Variants in EP400 observed in about 807,000 individuals in gnomAD.
The protein encoded by EP400 is E1A binding protein p400.
Under a neutral mutation model 354.1 loss-of-function variants are expected in EP400, and 105 were observed. The observed-to-expected ratio is 0.30, with a 90% CI of 0.25 to 0.35. The LOEUF (loss-of-function observed/expected upper bound fraction) is 0.35, where lower values mean the gene tolerates loss of function less well. Among genes scored for constraint, EP400 ranks in the 10% least tolerant of loss-of-function variants. The pLI is 1.00. For synonymous variants in EP400, 1,646 were observed against 1,716.9 expected, an observed-to-expected ratio of 0.96 and a Z score of 1.02; for missense variants, 3,280 against 4,121.0, an observed-to-expected ratio of 0.80 and a Z score of 5.59.
chr12:132,038,004 T>C lies in EP400; in HGVS notation c.6115T>C (p.Phe2039Leu). ...TTATTCTCCCATGGATGATGCTGGC[T>C]TCCCGGTCAAAGCTGAGGAGTTTGT... ...EVYSPMDDAG[F>L]PVKAEEFVVL... Residue 2039 changes from phenylalanine to leucine, a missense_variant, in exon 32 of 53, where the codon TTC becomes CTC. By Grantham distance (22) the Phe-to-Leu change is conservative. Coordinates refer to ENST00000389561, the MANE Select transcript of EP400 (RefSeq NM_015409.5). The surrounding 1 kb of genome is among the most constrained non-coding windows in gnomAD (Gnocchi z 4.2). 6.2e-7 allele frequency: 1 copy of C among 1,614,236 alleles called. No homozygotes were observed. Among genetic ancestry groups the C allele is most frequent in the Non-Finnish European group, 8.5e-7 (1 of 1,180,028 alleles).
At chr12:132,016,702 C>A (rs1183655319) in intron 19 of EP400, among the ~76,000 whole-genome samples, 1 of 152,194 alleles carries the variant, frequency 6.6e-6, no homozygotes, top group Admixed American at 6.5e-5. Context: ...GTACTGCTGT[C>A]ATGGTAGCTT....
At chr12:132,030,317 A>AT (rs1247907825) in intron 29 of EP400, among the ~76,000 whole-genome samples, 159 bp downstream of exon 29, 1 of 152,184 alleles carries the variant, frequency 6.6e-6, no homozygotes, top group African/African-American at 2.4e-5. Flanking sequence ...ATCCTTCGAT[A>AT]TTTTTTATTA....
intron 29 of EP400, among the ~76,000 whole-genome samples, chr12:132,030,820 G>A (rs1183682353): frequency 2.0e-5 from 3 of 152,170 alleles, no homozygotes; most frequent in Non-Finnish European, 2.9e-5. Context: ...CATGGGCCCC[G>A]TGCCCTGGCA....
chr12:131,958,437 G>A (rs1410301577), intron 1 of EP400, among the ~76,000 whole-genome samples: 1 of 152,116 alleles, frequency 6.6e-6, no homozygotes, highest in Non-Finnish European at 1.5e-5. Context: ...GTTTAAATAT[G>A]CACTTTTTAA....
At chr12:131,991,575 TC>T (rs376223096) in intron 10 of EP400, 119 bp downstream of exon 10, 92 of 890,312 alleles carry the variant, frequency 1.0e-4, no homozygotes, top group Admixed American at 4.0e-4. Context: ...TCCTTTCTTT[TC>T]TTTTTTTTTT....
chr12:132,037,595 C>T (rs911074968), intron 30 of EP400, 87 bp from the exon 31 acceptor site: 27 of 1,044,204 alleles, frequency 2.6e-5, no homozygotes, highest in Non-Finnish European at 3.3e-5. Flanking sequence ...GACGTGGATT[C>T]GTTGATCACC....
In EP400 at chr12:132,028,292, C is replaced by T. The variant is rs758052375; in HGVS notation, c.5381+4C>T. ...CTCTGCAGGATGTTATTGACAGGTA[C>T]TGCAGACCTCGTGACCTTTTCGGTG... On this transcript the variant is annotated splice_donor_region_variant and intron_variant, in intron 27 of 52. Coordinates refer to ENST00000389561, the MANE Select transcript of EP400 (RefSeq NM_015409.5). 7 of 1,609,108 alleles carry T rather than the reference C, an allele frequency of 4.4e-6. No individual in the cohort carries two copies. Among genetic ancestry groups the T allele is most frequent in the African/African-American group, 4.0e-5 (3 of 74,846 alleles).
chr12:132,048,003 T>C (rs1292294188), intron 39 of EP400, among the ~76,000 whole-genome samples: 2 of 152,262 alleles, frequency 1.3e-5, no homozygotes, highest in Admixed American at 6.5e-5. Context: ...AATACGGCTC[T>C]GTTCCGCCTG....
At chr12:132,005,558 C>T (rs1437862100) in intron 13 of EP400, among the ~76,000 whole-genome samples, 2 of 152,130 alleles carry the variant, frequency 1.3e-5, no homozygotes, top group African/African-American at 4.8e-5. Context: ...CAGAGCATAC[C>T]AGAAAAGGTC....
intron 1 of EP400, among the ~76,000 whole-genome samples, chr12:131,951,441 C>CT (rs1442894024): frequency 6.6e-6 from 1 of 151,956 alleles, no homozygotes; most frequent in East Asian, 1.9e-4. Context: ...CCTTGGCCTC[C>CT]TAGTGCTGGG....
chr12:131,955,893 G>A (rs1395841381), intron 1 of EP400, among the ~76,000 whole-genome samples: 4 of 152,158 alleles, frequency 2.6e-5, no homozygotes, highest in African/African-American at 4.8e-5. Flanking sequence ...TGATCCGCCC[G>A]CCTCGGCCTC....
Position 132,027,580 on chromosome 12 carries a change from C to T in EP400, c.5109+49C>T, listed in dbSNP as rs373105740. 148 of 1,473,732 alleles carry T rather than the reference C, an allele frequency of 1.0e-4. No individual in the cohort carries two copies. In the African/African-American group the frequency reaches 1.8e-3, roughly 18 times the overall value. The allele number at this position is 1,473,732 out of a possible 1,614,324, so 91.3% of individuals were successfully genotyped here. A position where few individuals can be genotyped will look rare whatever the true frequency, so the allele number is the denominator to read the frequency against. On this transcript the variant is annotated intron_variant, in intron 26 of 52. Coordinates refer to ENST00000389561, the MANE Select transcript of EP400 (RefSeq NM_015409.5). This position sits in a 1 kb window ranked among gnomAD's most constrained non-coding sequence, Gnocchi z 4.9. The stretch of plus-strand genomic sequence containing the variant: ...CGGTGCACGTGGACAGGTAGCTTTC[C>T]AAGAGCTGCTCGTTGTGTTTGGTTG...
rs2136615107 is a variant in EP400, at chr12:132,067,436, A to C, written c.8824A>C (p.Lys2942Gln). 5.6e-6 allele frequency: 9 copies of C among 1,613,292 alleles called. No individual in the cohort carries two copies. The East Asian group carries it at 1.3e-4, about 24-fold the overall frequency. ...KLKQQAVQQQ[K>Q]AIQPQAAQGP... is the part of the protein sequence containing the mutation. Reference sequence around the variant, plus strand: ...GAAGCAGCAGGCCGTCCAGCAGCAGAAGGCCATCCAGCCCCAGGCTGCACA... The same window carrying C: ...GAAGCAGCAGGCCGTCCAGCAGCAGCAGGCCATCCAGCCCCAGGCTGCACA... Residue 2942 changes from lysine to glutamine, a missense_variant, in exon 50 of 53, where the codon AAG becomes CAG. Lys to Gln is a moderately conservative substitution (Grantham distance 53). Transcript: ENST00000389561. The surrounding 1 kb of genome is among the most constrained non-coding windows in gnomAD (Gnocchi z 5.3).
intron 50 of EP400, chr12:132,069,132 T>G: frequency 4.3e-6 from 1 of 233,596 alleles, no homozygotes. Flanking sequence ...TTACATTGGA[T>G]TTGAGAGATT....
chr12:132,010,434 G>A lies in EP400; in HGVS notation c.3305-1064G>A, dbSNP rs116872354. 7.1e-3 allele frequency among the ~76,000 whole-genome samples: 1,080 copies of A among 152,104 alleles called. 33 individuals are homozygous for A. In the South Asian group the frequency reaches 0.093, roughly 13 times the overall value. ...TGTCCTGTTATATTTTTTTCTTTGT[G>A]ACATTTCTGTTCATATCCTTTGTTT... On this transcript the variant is annotated intron_variant, in intron 15 of 52. Coordinates refer to ENST00000389561, the MANE Select transcript of EP400 (RefSeq NM_015409.5).
At position 132,020,330 on chromosome 12, in the gene EP400, A is replaced by G. The variant is rs539940250; in HGVS notation, c.4447+112A>G. 2.4e-5 allele frequency: 31 copies of G among 1,281,818 alleles called. No individual in the cohort carries two copies. In the African/African-American group the frequency reaches 3.9e-4, roughly 16 times the overall value. 79.4% of individuals were successfully genotyped at this position (1,281,818 alleles called of 1,614,324 possible). On this transcript the variant is annotated intron_variant, in intron 22 of 52. Coordinates refer to ENST00000389561, the MANE Select transcript of EP400 (RefSeq NM_015409.5). Reference sequence around the variant, plus strand: ...GCGGTAATTGTCCCTGAGTGGGAACAGGCACCACCCGCTGGCTTTCTGAAG... The same window carrying G: ...GCGGTAATTGTCCCTGAGTGGGAACGGGCACCACCCGCTGGCTTTCTGAAG...
At position 132,029,424 on chromosome 12, in the gene EP400, G is replaced by T. The variant is rs1253248509; in HGVS notation, c.5382-277G>T. 5 of 518,942 alleles carry T rather than the reference G, an allele frequency of 9.6e-6. No homozygotes were observed. The East Asian group carries it at 1.5e-4, about 16-fold the overall frequency. 32.1% of individuals were successfully genotyped at this position (518,942 alleles called of 1,614,324 possible). On this transcript the variant is annotated intron_variant, in intron 27 of 52. Coordinates refer to ENST00000389561, the MANE Select transcript of EP400 (RefSeq NM_015409.5). The surrounding 1 kb of genome is among the most constrained non-coding windows in gnomAD (Gnocchi z 4.7). ...AAGAGAATGGCTTATCTCTGACCTGGTGCCTGCGGCCTAGGGAATCCACCC... is the reference window on the plus strand; with the variant it reads ...AAGAGAATGGCTTATCTCTGACCTGTTGCCTGCGGCCTAGGGAATCCACCC...
chr12:132,064,536 G>A, intron 47 of EP400, 132 bp from the exon 48 acceptor site: 1 of 1,244,792 alleles, frequency 8.0e-7, no homozygotes. Flanking sequence ...AAGGCGGTCT[G>A]GATGCTGCAC....
chr12:131,981,971 C>G (rs1234896962), intron 4 of EP400, 122 bp from the exon 5 acceptor site: 7 of 1,309,034 alleles, frequency 5.3e-6, no homozygotes, highest in Non-Finnish European at 7.2e-6. Flanking sequence ...TGGCCAACTT[C>G]TCGTGTGAGT....
Sources: gnomAD v4.1 joint callset for allele counts (sites outside exome capture counted in the v4.1 genomes callset) on GRCh38, gnomAD v4.1.1 for gene constraint, Gnocchi (gnomAD v3.1) non-coding constraint, MANE v1.5 for transcripts, NCBI Gene and HGNC (gene_info 2026-07-23, HGNC 2026-07-21) for gene names.